Variants in CNBD1 observed in about 807,000 individuals in gnomAD.
The protein encoded by CNBD1 is cyclic nucleotide-binding domain-containing protein 1.
In CNBD1, 71 loss-of-function variants were observed where a neutral mutation model predicts 54.4. The observed-to-expected ratio is 1.30, with a 90% CI of 1.08 to 1.59. CNBD1 has a LOEUF of 1.59. Ranked by LOEUF, CNBD1 falls within the 40% of genes most tolerant of loss-of-function variation. The probability of loss-of-function intolerance (pLI) is 0.00; values close to 1 mark genes in which losing one functional copy is unlikely to be tolerated. For synonymous variants in CNBD1, 182 were observed against 170.7 expected (o/e 1.07, Z -0.51); for missense variants, 659 against 518.0 (o/e 1.27, Z -2.64).
rs373810508 is a variant in CNBD1 at position 87,326,780 on chromosome 8, A to G, written c.1043-24905A>G. 8.3e-5 allele frequency among the ~76,000 whole-genome samples: 9 copies of G among 108,376 alleles called. No homozygotes were observed. The East Asian group carries it at 2.1e-3, about 26-fold the overall frequency. The allele number at this position is 108,376 out of a possible 152,430, so 71.1% of individuals were successfully genotyped here. A position where few individuals can be genotyped will look rare whatever the true frequency, so the allele number is the denominator to read the frequency against. ...TCCCGTAGCTCAGAGTAATTTGATC[A>G]TCTGAAGCCTTCTTCTCTCAGCTCG... is the stretch of plus-strand genomic sequence containing the variant. On this transcript the variant is annotated intron_variant, in intron 8 of 10. Transcript: ENST00000518476.
At chr8:87,078,450 G>C (rs183617719) in intron 4 of CNBD1, among the ~76,000 whole-genome samples, 1 of 152,156 alleles carries the variant, frequency 6.6e-6, no homozygotes, top group Admixed American at 6.5e-5. Context: ...CAAATGCCAC[G>C]AGAATAATTT....
At chr8:87,308,076 C>A (rs4349998) in intron 8 of CNBD1, among the ~76,000 whole-genome samples, 1 of 152,008 alleles carries the variant, frequency 6.6e-6, no homozygotes, top group South Asian at 2.1e-4. Context: ...AGCCAACAAG[C>A]GACATTATCT....
At chr8:87,394,093 C>T (rs1212495328) in intron 2 of CNBD1, among the ~76,000 whole-genome samples, 1 of 151,840 alleles carries the variant, frequency 6.6e-6, no homozygotes, top group Non-Finnish European at 1.5e-5. Context: ...GACATGATCA[C>T]AGGCTATATT....
intron 2 of CNBD1, among the ~76,000 whole-genome samples, chr8:87,403,451 A>G (rs1286683639): frequency 2.0e-5 from 3 of 151,994 alleles, no homozygotes; most frequent in African/African-American, 7.2e-5. Flanking sequence ...CCTAGTTTCA[A>G]TTTCCGCGTG....
chr8:87,405,450 G>A (rs555690299), intron 2 of CNBD1, among the ~76,000 whole-genome samples: 8 of 152,108 alleles, frequency 5.3e-5, no homozygotes, highest in South Asian at 2.1e-4. Flanking sequence ...ACACTACTAC[G>A]AGATTATGTA....
rs181501099 is a variant in CNBD1, at chr8:87,388,036, A to G, written c.213+34250A>G. Among the ~76,000 whole-genome samples the G allele has an allele frequency of 3.4e-3, 517 of 152,224 alleles. 8 individuals carry two copies. The highest frequency in any genetic ancestry group is 0.012 in the African/African-American group (494 of 41,486). ...TACATAACGAAATGAAGGCAGAAAT[A>G]AAGATGTTCTTTGAAACAAACGAGA... On this transcript the variant is annotated intron_variant, in intron 2 of 7. Transcript: ENST00000521593.
chr8:87,187,763 G>T (rs1019678952), intron 4 of CNBD1, among the ~76,000 whole-genome samples: 2 of 152,124 alleles, frequency 1.3e-5, no homozygotes, highest in Non-Finnish European at 2.9e-5. Flanking sequence ...ATCTGGAGTT[G>T]CTAATTACAT....
chr8:87,391,926 G>A (rs944468485), intron 2 of CNBD1, among the ~76,000 whole-genome samples: 6 of 152,036 alleles, frequency 3.9e-5, no homozygotes, highest in African/African-American at 1.4e-4. Flanking sequence ...GAAAATTGCA[G>A]ATAATTTCTA....
chr8:87,397,638 C>T (rs1410562292), intron 2 of CNBD1, among the ~76,000 whole-genome samples: 1 of 151,914 alleles, frequency 6.6e-6, no homozygotes, highest in Non-Finnish European at 1.5e-5. Context: ...TTTAGTGCAA[C>T]ATAAAATAAC....
chr8:87,160,449 TTCTC>T (rs1444118974), intron 4 of CNBD1, among the ~76,000 whole-genome samples: 1 of 152,080 alleles, frequency 6.6e-6, no homozygotes, highest in Non-Finnish European at 1.5e-5. Context: ...TATATAGAAA[TTCTC>T]TATGACTTCG....
intron 4 of CNBD1, among the ~76,000 whole-genome samples, chr8:87,106,278 A>G (rs1811535019): frequency 6.7e-6 from 1 of 150,332 alleles, no homozygotes; most frequent in African/African-American, 2.5e-5. Context: ...CATTGGCATC[A>G]TCTCATCTCA....
rs1386273442 is a variant in CNBD1 at position 86,939,657 on chromosome 8, G to A, written c.334G>A (p.Ala112Thr). The change falls in exon 4 of 11, where the codon GCT becomes ACT. Residue 112 changes from alanine (A) to threonine (T), a missense_variant. By Grantham distance (58) the Ala-to-Thr change is moderately conservative (BLOSUM62 0). Transcript: ENST00000518476. ...HQQPDDSNNI[A>T]VHVQRAHGGH... ...ACAACCTGATGATTCTAACAATATAGCTGTCCATGTTCAGAGAGCACATGG... is the reference window on the plus strand; with the variant it reads ...ACAACCTGATGATTCTAACAATATAACTGTCCATGTTCAGAGAGCACATGG... The A allele has an allele frequency of 4.4e-6, 7 of 1,605,870 alleles. No homozygotes were observed. The highest frequency in any genetic ancestry group is 6.0e-6 in the Non-Finnish European group (7 of 1,176,010).
chr8:87,341,084 C>A (rs1377241245), intron 8 of CNBD1, among the ~76,000 whole-genome samples: 1 of 152,120 alleles, frequency 6.6e-6, no homozygotes, highest in Non-Finnish European at 1.5e-5. Context: ...TTGGGCTTCT[C>A]AAGCCTTTTC....
chr8:87,042,885 CTA>C (rs984026844), intron 4 of CNBD1, among the ~76,000 whole-genome samples: 12 of 151,816 alleles, frequency 7.9e-5, no homozygotes, highest in African/African-American at 2.7e-4. Context: ...GAAATTATAT[CTA>C]TATACAGATT....
intron 2 of CNBD1, among the ~76,000 whole-genome samples, chr8:86,888,218 T>G (rs997603979): frequency 3.9e-5 from 6 of 152,196 alleles, no homozygotes; most frequent in Non-Finnish European, 8.8e-5. Flanking sequence ...CTCTCTACTT[T>G]AAAACATCTC....
intron 10 of CNBD1, among the ~76,000 whole-genome samples, chr8:87,370,522 T>G (rs371924554): frequency 8.5e-5 from 13 of 152,064 alleles, no homozygotes; most frequent in Admixed American, 1.3e-4. Flanking sequence ...GCATAAATGT[T>G]TTCTTTTGAG....
intron 5 of CNBD1, among the ~76,000 whole-genome samples, chr8:87,220,093 C>CA (rs1814298003): frequency 1.3e-5 from 2 of 151,872 alleles, no homozygotes; most frequent in South Asian, 4.1e-4. Context: ...TAGGTTGTTA[C>CA]AATCATTTGT....
chr8:87,318,746 T>C (rs1809454521), intron 8 of CNBD1, among the ~76,000 whole-genome samples: 1 of 151,908 alleles, frequency 6.6e-6, no homozygotes, highest in Admixed American at 6.6e-5. Flanking sequence ...AATATAGAAA[T>C]TGACACAATT....
intron 2 of CNBD1, among the ~76,000 whole-genome samples, chr8:87,416,669 C>T (rs1260386346): frequency 6.6e-6 from 1 of 152,028 alleles, no homozygotes; most frequent in African/African-American, 2.4e-5. Context: ...CCACCCAGTA[C>T]AAAGCCTTTT....
Sources: gnomAD v4.1 joint callset for allele counts (sites outside exome capture counted in the v4.1 genomes callset) on GRCh38, gnomAD v4.1.1 for gene constraint, MANE v1.5 for transcripts, NCBI Gene and HGNC (gene_info 2026-07-23, HGNC 2026-07-21) for gene names.